The following BAZ2B variants were observed in gnomAD, a reference collection of about 807,000 sequenced individuals.
BAZ2B encodes the protein bromodomain adjacent to zinc finger domain 2B, also known as bromodomain adjacent to zinc finger domain protein 2B.
BAZ2B carries 91 observed loss-of-function variants against 246.0 expected under a neutral mutation model. The ratio of observed to expected loss-of-function variants is 0.37; its 90% CI spans 0.31 to 0.44. BAZ2B has a LOEUF of 0.44. BAZ2B is among the 20% of genes least tolerant of loss of function. The pLI, the probability that BAZ2B is intolerant of heterozygous loss-of-function variation, is 1.00. For synonymous variants in BAZ2B, 855 were observed against 860.0 expected (o/e 0.99, Z 0.10); for missense variants, 2,332 against 2,533.7 (o/e 0.92, Z 1.71).
At chr2:159,648,122 T>A in the BAZ2B span, among the ~76,000 whole-genome samples, 1 of 151,992 alleles carries the variant, frequency 6.6e-6, no homozygotes, top group Non-Finnish European at 1.5e-5. Context: ...TCTCCCACTA[T>A]TTGTTTGTTT....
At chr2:159,631,836 A>G in the BAZ2B span, among the ~76,000 whole-genome samples, 1 of 152,232 alleles carries the variant, frequency 6.6e-6, no homozygotes, top group Non-Finnish European at 1.5e-5. Flanking sequence ...TGTTGGTAAG[A>G]AACCAAATTT....
chr2:159,588,892 T>C (rs755460158), intron 1 of BAZ2B, among the ~76,000 whole-genome samples: 10 of 152,102 alleles, frequency 6.6e-5, no homozygotes, highest in Non-Finnish European at 1.2e-4. Context: ...GGGAACACAT[T>C]TTATATAGTC....
intron 17 of BAZ2B, 50 bp downstream of exon 17, chr2:159,400,549 A>C (rs755124923): frequency 3.3e-5 from 39 of 1,199,368 alleles, no homozygotes; most frequent in Non-Finnish European, 4.4e-5. Flanking sequence ...TTGCAGACTT[A>C]AAAATATATG....
intron 25 of BAZ2B, among the ~76,000 whole-genome samples, chr2:159,380,285 T>C (rs889463223): frequency 1.3e-5 from 2 of 152,188 alleles, no homozygotes; most frequent in Non-Finnish European, 2.9e-5. Flanking sequence ...ATGCTTGAAA[T>C]AGTCATCTTC....
intron 2 of BAZ2B, among the ~76,000 whole-genome samples, 174 bp from the exon 3 acceptor site, chr2:159,478,895 A>G (rs2078935069): frequency 6.6e-6 from 1 of 152,232 alleles, no homozygotes; most frequent in Non-Finnish European, 1.5e-5. Flanking sequence ...ATACCAACTT[A>G]TGGAATAAGT....
upstream of BAZ2B, among the ~76,000 whole-genome samples, chr2:159,620,810 G>C (rs1449715072): frequency 6.6e-6 from 1 of 152,208 alleles, no homozygotes; most frequent in African/African-American, 2.4e-5. Flanking sequence ...AAAGGCCTAA[G>C]TACCATGGTA....
chr2:159,686,179 G>T, the BAZ2B span, among the ~76,000 whole-genome samples: 2 of 152,014 alleles, frequency 1.3e-5, no homozygotes, highest in Admixed American at 6.6e-5. Flanking sequence ...GGCAGGAGGA[G>T]CCCTTGAACC....
At chr2:159,652,128 A>T in the BAZ2B span, among the ~76,000 whole-genome samples, 1 of 152,258 alleles carries the variant, frequency 6.6e-6, no homozygotes, top group African/African-American at 2.4e-5. Context: ...CTGCTTTCCA[A>T]ACTGGCTATA....
intron 8 of BAZ2B, chr2:159,437,975 C>A: frequency 5.6e-6 from 1 of 179,802 alleles, no homozygotes; most frequent in Non-Finnish European, 1.1e-5. Flanking sequence ...ATTTTAAACC[C>A]AAGTAATTGT....
Position 159,438,472 on chromosome 2 carries a change from A to G in BAZ2B, c.1124T>C (p.Ile375Thr), listed in dbSNP as rs1417624726. 3.1e-6 allele frequency: 5 copies of G among 1,614,190 alleles called. No homozygotes were observed. The highest frequency in any genetic ancestry group is 4.2e-6 in the Non-Finnish European group (5 of 1,180,024). The change falls in exon 8 of 37, where the codon ATA becomes ACA. Residue 375 changes from isoleucine to threonine, a missense_variant. This residue lies in a region of BAZ2B where 161 missense variants were observed against 225.8 expected (regional missense o/e 0.71). Transcript: ENST00000392783. ...ATTGGACACCAATCCCGTAGACTGT[A>G]TTACACTGGTGTGTTTGTTCACAGA... Reference protein sequence around the residue: ...EESVNKHTSVIQSTGLVSNVK... With the variant: ...EESVNKHTSVTQSTGLVSNVK...
At chr2:159,442,979 T>C (rs773400052) in intron 6 of BAZ2B, among the ~76,000 whole-genome samples, 3 of 152,228 alleles carry the variant, frequency 2.0e-5, no homozygotes, top group Non-Finnish European at 4.4e-5. Flanking sequence ...TTGTGAACAA[T>C]GCTGCTATGA....
intron 11 of BAZ2B, among the ~76,000 whole-genome samples, chr2:159,428,620 T>G (rs1041749984): frequency 1.3e-5 from 2 of 152,164 alleles, no homozygotes; most frequent in Non-Finnish European, 2.9e-5. Context: ...AATTATTCAA[T>G]TTATATATTA....
At chr2:159,571,508 A>G (rs1684008857) in intron 1 of BAZ2B, among the ~76,000 whole-genome samples, 1 of 152,176 alleles carries the variant, frequency 6.6e-6, no homozygotes, top group African/African-American at 2.4e-5. Context: ...CAGCATCATC[A>G]TGGGTCTGCT....
At chr2:159,327,256 G>A (rs1370020471) in intron 34 of BAZ2B, among the ~76,000 whole-genome samples, 1 of 152,112 alleles carries the variant, frequency 6.6e-6, no homozygotes, top group Non-Finnish European at 1.5e-5. Context: ...CTGAAAAACA[G>A]TCCTTTGGAG....
At chr2:159,362,409 T>C (rs2059810127) in intron 27 of BAZ2B, among the ~76,000 whole-genome samples, 1 of 152,218 alleles carries the variant, frequency 6.6e-6, no homozygotes, top group Non-Finnish European at 1.5e-5. Flanking sequence ...CTCACACTAA[T>C]GCATACAGGG....
chr2:159,395,560 G>A, intron 20 of BAZ2B: 1 of 388,736 alleles, frequency 2.6e-6, no homozygotes, highest in South Asian at 5.5e-5. Flanking sequence ...TAAAATCTTA[G>A]CCAGGAAAAC....
chr2:159,448,157 C>T (rs1252617357), intron 5 of BAZ2B, 85 bp downstream of exon 5: 1 of 1,474,162 alleles, frequency 6.8e-7, no homozygotes, highest in Admixed American at 2.4e-5. Flanking sequence ...AAACAAAAAA[C>T]AAAAAAAGGT....
At chr2:159,375,928 A>G (rs988672786) in intron 25 of BAZ2B, among the ~76,000 whole-genome samples, 2 of 152,232 alleles carry the variant, frequency 1.3e-5, no homozygotes, top group Non-Finnish European at 2.9e-5. Context: ...ACTTGAACAC[A>G]TTGAGTTTTT....
chr2:159,575,938 A>G (rs911031751), intron 1 of BAZ2B, among the ~76,000 whole-genome samples: 2 of 152,190 alleles, frequency 1.3e-5, no homozygotes, highest in Admixed American at 1.3e-4. Flanking sequence ...AGAAAGCTCA[A>G]TTCTACAAAC....
Sources: gnomAD v4.1 joint callset for allele counts (sites outside exome capture counted in the v4.1 genomes callset) on GRCh38, gnomAD v4.1.1 for gene constraint, gnomAD v4.1.1 regional missense constraint, MANE v1.5 for transcripts, NCBI Gene and HGNC (gene_info 2026-07-23, HGNC 2026-07-21) for gene names.